MXI1: variants seen among roughly 807,000 people sequenced by gnomAD.
MXI1 encodes the protein MAX interactor 1, dimerization protein.
Under a neutral mutation model 36.9 loss-of-function variants are expected in MXI1, and 18 were observed. That is an observed-to-expected ratio of 0.49 (90% confidence interval 0.34 to 0.72). The LOEUF is 0.72. Ranked by LOEUF, MXI1 falls within the 30% of genes least tolerant of loss-of-function variation. MXI1 has a pLI of 0.01. For missense variants in MXI1, 304 were observed against 379.1 expected (o/e 0.80, Z 1.64); for synonymous variants, 160 against 146.7 (o/e 1.09, Z -0.65).
Position 110,285,101 on chromosome 10 carries a change from A to C in MXI1, c.*114A>C, listed in dbSNP as rs1033706964. ...CTCCTCTTTAAAACAAAACAAAACA[A>C]AACAAAACTATACTTGAACAAAAGG... On this transcript the variant is annotated 3_prime_UTR_variant, in exon 6 of 6. Transcript: ENST00000332674. The C allele has an allele frequency of 1.9e-6, 2 of 1,049,108 alleles. No individual in the cohort carries two copies. The highest frequency in any genetic ancestry group is 2.6e-6 in the Non-Finnish European group (2 of 765,830). The allele number at this position is 1,049,108 out of a possible 1,614,324, so 65.0% of individuals were successfully genotyped here.
At chr10:110,210,135 G>C (rs1454712808) in intron 1 of MXI1, 1 of 477,476 alleles carries the variant, frequency 2.1e-6, no homozygotes, top group Non-Finnish European at 2.7e-6. Context: ...GCAGAGAGCC[G>C]GGCGCGCCGG....
chr10:110,264,431 T>C (rs1856619394), intron 3 of MXI1, among the ~76,000 whole-genome samples: 1 of 151,468 alleles, frequency 6.6e-6, no homozygotes, highest in African/African-American at 2.4e-5. Context: ...AATGGTGTGA[T>C]CTTGGCTCAC....
At chr10:110,278,403 CGA>C (rs1857113321) in intron 3 of MXI1, among the ~76,000 whole-genome samples, 1 of 151,702 alleles carries the variant, frequency 6.6e-6, no homozygotes, top group Non-Finnish European at 1.5e-5. Context: ...GTGAGAGAGA[CGA>C]GAGAGGAAGA....
At chr10:110,278,540 T>TA (rs2134468573) in intron 3 of MXI1, among the ~76,000 whole-genome samples, 1 of 152,344 alleles carries the variant, frequency 6.6e-6, no homozygotes, top group African/African-American at 2.4e-5. Flanking sequence ...AACCCTACCC[T>TA]AGCTGGTCAC....
At chr10:110,214,288 G>A (rs1211503844) in intron 1 of MXI1, among the ~76,000 whole-genome samples, 4 of 152,184 alleles carry the variant, frequency 2.6e-5, no homozygotes, top group African/African-American at 9.7e-5. Context: ...ACCTTGCTTA[G>A]AAAAGGTTTC....
At chr10:110,268,090 T>C (rs1189337275) in intron 3 of MXI1, among the ~76,000 whole-genome samples, 2 of 152,224 alleles carry the variant, frequency 1.3e-5, no homozygotes, top group East Asian at 1.9e-4. Flanking sequence ...TGTTGGAATA[T>C]ACTTAGGCGA....
At chr10:110,283,287 A>T (rs1187631132) in intron 5 of MXI1, among the ~76,000 whole-genome samples, 7 of 145,596 alleles carry the variant, frequency 4.8e-5, no homozygotes, top group Non-Finnish European at 9.0e-5. Flanking sequence ...TTTGAGAGAG[A>T]GTGTCTCGCT....
At position 110,282,723 on chromosome 10, in the gene MXI1, G is replaced by A. The variant is rs563788016; in HGVS notation, c.725-2101G>A. Among the ~76,000 whole-genome samples, 11 of 152,140 alleles carry A rather than the reference G, an allele frequency of 7.2e-5. No homozygotes were observed. The South Asian group carries it at 2.3e-3, about 32-fold the overall frequency. ...CCTTACCAAGTACCATCCTTATCCTGAGCTGGCAACCTCCTTTTTGTAGTG... is the reference window on the plus strand; with the variant it reads ...CCTTACCAAGTACCATCCTTATCCTAAGCTGGCAACCTCCTTTTTGTAGTG... On this transcript the variant is annotated intron_variant, in intron 5 of 5. Coordinates refer to ENST00000332674, the MANE Select transcript of MXI1 (RefSeq NM_130439.3).
chr10:110,209,309 G>C (rs996503949), intron 1 of MXI1, among the ~76,000 whole-genome samples: 5 of 151,988 alleles, frequency 3.3e-5, no homozygotes, highest in African/African-American at 1.2e-4. Context: ...AGGCGCGAGT[G>C]TGTGTGTGTA....
intron 2 of MXI1, among the ~76,000 whole-genome samples, chr10:110,233,766 T>C (rs1333833320): frequency 6.6e-6 from 1 of 152,136 alleles, no homozygotes; most frequent in Non-Finnish European, 1.5e-5. Flanking sequence ...ATATGCCTTA[T>C]ACTAAAAAAA....
intron 3 of MXI1, among the ~76,000 whole-genome samples, chr10:110,258,521 C>T (rs1191680728): frequency 6.6e-6 from 1 of 152,078 alleles, no homozygotes; most frequent in Non-Finnish European, 1.5e-5. Context: ...AGAACAGTAT[C>T]ATTTATCAGA....
rs749796746 is a variant in MXI1 at position 110,284,960 on chromosome 10, C to T, written c.861C>T (p.Ala287=). Residue 287 remains alanine, a synonymous_variant, in exon 6 of 6, where the codon GCC becomes GCT. Coordinates refer to ENST00000332674, the MANE Select transcript of MXI1 (RefSeq NM_130439.3). Reference sequence around the variant, plus strand: ...GGAGTGACGAGGGTTACTCCAGTGCCAGTGTCAAACTTTCATTCACTTCAT... The same window carrying T: ...GGAGTGACGAGGGTTACTCCAGTGCTAGTGTCAAACTTTCATTCACTTCAT... ...SIGSDEGYSS[A]SVKLSFTS is the part of the protein sequence containing the mutation. 3.1e-6 allele frequency: 5 copies of T among 1,612,482 alleles called. No individual in the cohort carries two copies. Among genetic ancestry groups the T allele is most frequent in the Non-Finnish European group, 2.5e-6 (3 of 1,179,492 alleles).
Position 110,228,255 on chromosome 10 carries a change from C to A in MXI1, c.341C>A (p.Pro114His). The change falls in exon 2 of 6, where the codon CCC becomes CAC. Residue 114 changes from proline (P) to histidine (H), a missense_variant. By Grantham distance (77) the Pro-to-His change is moderately conservative. Around this residue, in one of 2 missense-constraint regions of MXI1, gnomAD observed 179 missense variants for 184.8 expected, o/e 0.97. Transcript: ENST00000332674. Reference sequence around the variant, plus strand: ...AGCCCCCGACTGCAGCATTCAAAGCCCCCACGGAGGTTGAGCCGGGCACAG... The same window carrying A: ...AGCCCCCGACTGCAGCATTCAAAGCACCCACGGAGGTTGAGCCGGGCACAG... ...MPSPRLQHSK[P>H]PRRLSRAQKH... 1 of 1,614,106 alleles carries A rather than the reference C, an allele frequency of 6.2e-7. No individual in the cohort carries two copies. The highest frequency in any genetic ancestry group is 1.3e-5 in the African/African-American group (1 of 75,010).
At chr10:110,214,874 A>T (rs1236701245) in intron 1 of MXI1, among the ~76,000 whole-genome samples, 2 of 150,714 alleles carry the variant, frequency 1.3e-5, no homozygotes, top group Non-Finnish European at 3.0e-5. Flanking sequence ...GGAGAGAAAG[A>T]AAAAGAAATA....
At chr10:110,256,212 CAT>C (rs770993951) in intron 3 of MXI1, among the ~76,000 whole-genome samples, 32 of 152,090 alleles carry the variant, frequency 2.1e-4, no homozygotes, top group Non-Finnish European at 4.1e-4. Context: ...TAGAATAAAA[CAT>C]AAGTGTAAAT....
intron 3 of MXI1, chr10:110,245,641 A>G (rs920600697): frequency 6.6e-6 from 1 of 152,212 alleles, no homozygotes; most frequent in Non-Finnish European, 1.5e-5. Context: ...TACCATGCCC[A>G]AGAGTTTAGA....
At chr10:110,225,592 C>A (rs1854933259) in intron 1 of MXI1, among the ~76,000 whole-genome samples, 2 of 152,156 alleles carry the variant, frequency 1.3e-5, no homozygotes, top group Admixed American at 1.3e-4. Flanking sequence ...AGATAGAGGA[C>A]TGGAACATGA....
intron 3 of MXI1, among the ~76,000 whole-genome samples, chr10:110,267,943 A>G (rs149484674): frequency 6.6e-6 from 1 of 152,178 alleles, no homozygotes; most frequent in African/African-American, 2.4e-5. Flanking sequence ...GTGAGATAAC[A>G]GTTGTTGGTG....
rs531786888 is a variant in MXI1 at position 110,237,818 on chromosome 10, C to G, written c.408-7010C>G. 5.3e-5 allele frequency among the ~76,000 whole-genome samples: 8 copies of G among 152,264 alleles called. No homozygotes were observed. The South Asian group carries it at 1.7e-3, about 32-fold the overall frequency. ...TAGAGACAGAGTCTCAACTGTCACC[C>G]GGAGTAGAGTGCAGTGGTGAGATCA... On this transcript the variant is annotated intron_variant, in intron 2 of 5. Transcript: ENST00000332674.
Sources: gnomAD v4.1 joint callset for allele counts (sites outside exome capture counted in the v4.1 genomes callset) on GRCh38, gnomAD v4.1.1 for gene constraint, gnomAD v4.1.1 regional missense constraint, MANE v1.5 for transcripts, NCBI Gene and HGNC (gene_info 2026-07-23, HGNC 2026-07-21) for gene names.